Variants in CSTPP1 observed in about 807,000 individuals in gnomAD.
CSTPP1 encodes centriolar satellite-associated tubulin polyglutamylase complex regulator 1.
the CSTPP1 span, among the ~76,000 whole-genome samples, chr11:47,007,300 G>A: frequency 6.6e-6 from 1 of 152,036 alleles, no homozygotes; most frequent in Admixed American, 6.5e-5. Flanking sequence ...CAAAGTGCTG[G>A]AATTACAGTC....
chr11:46,946,085 G>T, the CSTPP1 span, among the ~76,000 whole-genome samples: 1 of 151,976 alleles, frequency 6.6e-6, no homozygotes, highest in Non-Finnish European at 1.5e-5. Context: ...TTTGTTGGGG[G>T]GAAAAAAGAG....
the CSTPP1 span, among the ~76,000 whole-genome samples, chr11:47,038,096 C>G: frequency 1.4e-5 from 1 of 71,374 alleles, no homozygotes; most frequent in Non-Finnish European, 3.9e-5. Context: ...GCTGGCCGGG[C>G]GGGGGGCTGA....
the CSTPP1 span, chr11:47,161,636 T>G: frequency 6.2e-7 from 1 of 1,611,154 alleles, no homozygotes; most frequent in Non-Finnish European, 8.5e-7. Flanking sequence ...GTCGGAGACT[T>G]GAGGAGTCCA....
chr11:46,974,027 C>G, the CSTPP1 span, among the ~76,000 whole-genome samples: 1 of 151,986 alleles, frequency 6.6e-6, no homozygotes, highest in African/African-American at 2.4e-5. Context: ...AAGTTTGAGA[C>G]TACCCTGGGC....
chr11:47,157,038 T>G, the CSTPP1 span: 1 of 1,613,978 alleles, frequency 6.2e-7, no homozygotes. Context: ...CTGGACAGTG[T>G]GGCTGCCATC....
chr11:47,080,114 A>G, the CSTPP1 span, among the ~76,000 whole-genome samples: 2 of 151,066 alleles, frequency 1.3e-5, no homozygotes, highest in African/African-American at 4.9e-5. Flanking sequence ...AACAAACAAA[A>G]AAAAGGAAGA....
At chr11:47,007,134 G>A in the CSTPP1 span, among the ~76,000 whole-genome samples, 1 of 150,540 alleles carries the variant, frequency 6.6e-6, no homozygotes, top group Non-Finnish European at 1.5e-5. Flanking sequence ...CCTGGTTCAA[G>A]TGATTCTTCT....
At chr11:47,118,520 G>A in the CSTPP1 span, among the ~76,000 whole-genome samples, 1 of 152,180 alleles carries the variant, frequency 6.6e-6, no homozygotes, top group Non-Finnish European at 1.5e-5. Context: ...ATCCTTTGGA[G>A]GAGAAGAGGT....
At chr11:47,003,347 C>T in the CSTPP1 span, among the ~76,000 whole-genome samples, 10 of 152,020 alleles carry the variant, frequency 6.6e-5, no homozygotes, top group East Asian at 3.9e-4. Flanking sequence ...AATGAGCTGG[C>T]GTGGGGGTGG....
the CSTPP1 span, chr11:47,052,314 G>T: frequency 6.5e-7 from 1 of 1,528,988 alleles, no homozygotes; most frequent in Non-Finnish European, 8.8e-7. Context: ...GTTCTCTCTG[G>T]TCTCAATTTT....
the CSTPP1 span, among the ~76,000 whole-genome samples, chr11:47,104,555 A>T: frequency 6.6e-6 from 1 of 152,340 alleles, no homozygotes; most frequent in East Asian, 1.9e-4. Context: ...CAGTTTGCCA[A>T]GGAGATGCTG....
chr11:47,007,634 C>T, the CSTPP1 span, among the ~76,000 whole-genome samples: 3 of 151,326 alleles, frequency 2.0e-5, no homozygotes. Context: ...TTTTTTTTTA[C>T]TCCATTATCT....
chr11:46,947,548 T>C, the CSTPP1 span, among the ~76,000 whole-genome samples: 5 of 152,238 alleles, frequency 3.3e-5, no homozygotes, highest in Admixed American at 3.3e-4. Flanking sequence ...GGAAAGCTTT[T>C]GACTAAGTTT....
At chr11:46,947,954 G>T in the CSTPP1 span, 1 of 414,690 alleles carries the variant, frequency 2.4e-6, no homozygotes, top group South Asian at 1.7e-5. Flanking sequence ...TTAAATTAAT[G>T]TGGCAGAACT....
At chr11:47,069,271 C>T in the CSTPP1 span, among the ~76,000 whole-genome samples, 2 of 152,072 alleles carry the variant, frequency 1.3e-5, no homozygotes, top group Non-Finnish European at 1.5e-5. Context: ...CCTGTAAAAC[C>T]AAGACTAAAT....
chr11:47,120,771 C>G, the CSTPP1 span, among the ~76,000 whole-genome samples: 3 of 152,036 alleles, frequency 2.0e-5, no homozygotes, highest in East Asian at 1.9e-4. This position sits in a 1 kb window ranked among gnomAD's most constrained non-coding sequence, Gnocchi z 4.2. Flanking sequence ...AGGACTGCTG[C>G]GAGACATTCA....
At chr11:47,034,388 G>T in the CSTPP1 span, among the ~76,000 whole-genome samples, 1 of 152,070 alleles carries the variant, frequency 6.6e-6, no homozygotes, top group East Asian at 1.9e-4. Flanking sequence ...CTAAATCCTG[G>T]TGCTTGCATC....
At chr11:46,937,032 G>A in the CSTPP1 span, among the ~76,000 whole-genome samples, 2 of 152,118 alleles carry the variant, frequency 1.3e-5, no homozygotes, top group African/African-American at 4.8e-5. Flanking sequence ...AAAGCACCTG[G>A]GAAGTAAAGA....
chr11:46,967,544 C>T, the CSTPP1 span, among the ~76,000 whole-genome samples: 1 of 152,048 alleles, frequency 6.6e-6, no homozygotes, highest in African/African-American at 2.4e-5. Context: ...TTTCATGTTT[C>T]TTCATAGCTA....
Sources: gnomAD v4.1 joint callset for allele counts (sites outside exome capture counted in the v4.1 genomes callset) on GRCh38, gnomAD v4.1.1 for gene constraint, Gnocchi (gnomAD v3.1) non-coding constraint, MANE v1.5 for transcripts, NCBI Gene and HGNC (gene_info 2026-07-23, HGNC 2026-07-21) for gene names.